C11orf65: variants seen among roughly 807,000 people sequenced by gnomAD.
C11orf65 encodes the protein chromosome 11 open reading frame 65.
C11orf65 carries 38 observed loss-of-function variants against 35.3 expected under a neutral mutation model. The ratio of observed to expected loss-of-function variants is 1.08; its 90% CI spans 0.83 to 1.41. C11orf65 has a LOEUF of 1.41. Ranked by LOEUF, C11orf65 falls within the 40% of genes most tolerant of loss-of-function variation. C11orf65 has a pLI of 0.00. For missense variants in C11orf65, 370 were observed against 367.1 expected (o/e 1.01, Z -0.06); for synonymous variants, 105 against 114.4 (o/e 0.92, Z 0.53).
chr11:108,410,334 T>C (rs1002930672), intron 3 of C11orf65, among the ~76,000 whole-genome samples: 26 of 152,350 alleles, frequency 1.7e-4, no homozygotes, highest in African/African-American at 5.3e-4. Context: ...ATTGGCCATA[T>C]GGATCTATCA....
At chr11:108,408,435 G>A (rs1310019924) in intron 3 of C11orf65, among the ~76,000 whole-genome samples, 1 of 152,094 alleles carries the variant, frequency 6.6e-6, no homozygotes, top group African/African-American at 2.4e-5. Context: ...AACACTTTGG[G>A]AAGCCGAGGA....
chr11:108,382,823 G>C lies in C11orf65; in HGVS notation c.*198C>G. 1.0e-6 allele frequency: 1 copy of C among 984,082 alleles called. No homozygotes were observed. Among genetic ancestry groups the C allele is most frequent in the Non-Finnish European group, 1.2e-6 (1 of 828,768 alleles). The allele number at this position is 984,082 out of a possible 1,614,324, so 61.0% of individuals were successfully genotyped here. On this transcript the variant is annotated 3_prime_UTR_variant, in exon 9 of 9. Coordinates refer to ENST00000393084, the MANE Select transcript of C11orf65 (RefSeq NM_152587.5). ...ATACTACAGTTTCTCAGAATACTAG[G>C]AATAATTTCTATATTTGCCATGATC...
At chr11:108,424,603 C>A (rs150562648) in intron 3 of C11orf65, among the ~76,000 whole-genome samples, 1 of 152,220 alleles carries the variant, frequency 6.6e-6, no homozygotes, top group East Asian at 1.9e-4. Flanking sequence ...GACAGATCAA[C>A]GAGACAGAAA....
intron 6 of C11orf65, among the ~76,000 whole-genome samples, chr11:108,312,691 G>A (rs1324463283): frequency 1.3e-5 from 2 of 149,914 alleles, no homozygotes; most frequent in African/African-American, 4.9e-5. Context: ...TACTGACTCT[G>A]CCACTTCTTG....
chr11:108,443,164 G>T (rs1360264102), intron 2 of C11orf65, among the ~76,000 whole-genome samples: 1 of 151,480 alleles, frequency 6.6e-6, no homozygotes, highest in African/African-American at 2.4e-5. Context: ...AAAAAAAGCA[G>T]GGGCTACAAT....
intron 2 of C11orf65, among the ~76,000 whole-genome samples, chr11:108,440,537 C>A (rs2093135433): frequency 6.6e-6 from 1 of 152,160 alleles, no homozygotes; most frequent in East Asian, 1.9e-4. Context: ...GGCCTTTTCA[C>A]TTACGTATCT....
chr11:108,386,016 C>A, intron 7 of C11orf65, 41 bp from the exon 8 acceptor site: 1 of 1,507,398 alleles, frequency 6.6e-7, no homozygotes, highest in Non-Finnish European at 9.2e-7. Context: ...TTAATCGATT[C>A]ATTAGTACAT....
rs1001768943 is a variant in C11orf65 at position 108,438,420 on chromosome 11, G to A, written c.82-6582C>T. Among the ~76,000 whole-genome samples the A allele has an allele frequency of 8.6e-5, 13 of 151,688 alleles. No homozygotes were observed. The East Asian group carries it at 1.4e-3, about 16-fold the overall frequency. On this transcript the variant is annotated intron_variant, in intron 2 of 8. Coordinates refer to ENST00000393084, the MANE Select transcript of C11orf65 (RefSeq NM_152587.5). Reference sequence around the variant, plus strand: ...TACAAAAATTAGCTGGGCATGTGGCGCACTCCTGTAGTCCCAGCTACTCGG... The same window carrying A: ...TACAAAAATTAGCTGGGCATGTGGCACACTCCTGTAGTCCCAGCTACTCGG...
At chr11:108,375,377 G>C (rs1043601020) in intron 2 of C11orf65, among the ~76,000 whole-genome samples, 5 of 151,516 alleles carry the variant, frequency 3.3e-5, no homozygotes, top group African/African-American at 1.2e-4. Flanking sequence ...TTCATATCCA[G>C]CCAAACTAAG....
intron 3 of C11orf65, among the ~76,000 whole-genome samples, chr11:108,413,619 G>A (rs544802160): frequency 1.3e-5 from 2 of 152,128 alleles, no homozygotes; most frequent in African/African-American, 2.4e-5. Flanking sequence ...TAGAGGAAGC[G>A]CTTTCAACTT....
intron 2 of C11orf65, among the ~76,000 whole-genome samples, chr11:108,453,640 T>C (rs1054784766): frequency 6.6e-6 from 1 of 152,242 alleles, no homozygotes; most frequent in Admixed American, 6.5e-5. Flanking sequence ...CAAGAAGTAC[T>C]GTAAAATATA....
At chr11:108,450,923 T>C (rs1387173649) in intron 2 of C11orf65, among the ~76,000 whole-genome samples, 1 of 151,908 alleles carries the variant, frequency 6.6e-6, no homozygotes, top group Non-Finnish European at 1.5e-5. Context: ...ATTATCTCAA[T>C]AGATGCAGAA....
chr11:108,456,302 T>C (rs1385563717), intron 2 of C11orf65, among the ~76,000 whole-genome samples: 3 of 152,284 alleles, frequency 2.0e-5, no homozygotes, highest in South Asian at 2.1e-4. Context: ...ATTTGATCAG[T>C]TGGATATCCA....
chr11:108,429,180 T>G (rs991906615), intron 3 of C11orf65, among the ~76,000 whole-genome samples: 1 of 151,694 alleles, frequency 6.6e-6, no homozygotes, highest in South Asian at 2.1e-4. Context: ...AAAAACAAAT[T>G]AAAAAGGCAC....
chr11:108,346,019 T>C (rs1026935019), intron 2 of C11orf65: 10 of 1,295,762 alleles, frequency 7.7e-6, no homozygotes, highest in Non-Finnish European at 1.1e-5. Flanking sequence ...ATGATAGTGA[T>C]GATGTGGTTA....
intron 2 of C11orf65, among the ~76,000 whole-genome samples, chr11:108,342,147 T>G (rs1043495767): frequency 6.6e-6 from 1 of 152,188 alleles, no homozygotes; most frequent in African/African-American, 2.4e-5. Context: ...GTATTTTATG[T>G]GTGGCCCAAG....
intron 3 of C11orf65, chr11:108,333,855 G>A: frequency 6.6e-7 from 1 of 1,524,930 alleles, no homozygotes; most frequent in Non-Finnish European, 9.1e-7. Context: ...TCCTCAGTTT[G>A]TCACTAAAAT....
intron 2 of C11orf65, chr11:108,354,996 A>G (rs2089723259): frequency 2.4e-6 from 2 of 840,878 alleles, no homozygotes; most frequent in East Asian, 5.0e-5. Flanking sequence ...GTGGCTGGGC[A>G]GCAGAAAGGA....
chr11:108,444,147 G>A lies in C11orf65; in HGVS notation c.82-12309C>T, dbSNP rs564014542. Among the ~76,000 whole-genome samples, 623 of 151,502 alleles carry A rather than the reference G, an allele frequency of 4.1e-3. 5 individuals are homozygous for A. Among genetic ancestry groups the A allele is most frequent in the Middle Eastern group, 6.8e-3 (2 of 292 alleles). ...AAATGATAAAGGGGATATCACCACC[G>A]ATCCCACAGAAATACAAACTACCAT... On this transcript the variant is annotated intron_variant, in intron 2 of 8. Coordinates refer to ENST00000393084, the MANE Select transcript of C11orf65 (RefSeq NM_152587.5).
Sources: allele counts gnomAD v4.1 joint callset (sites outside exome capture counted in the v4.1 genomes callset), GRCh38; gene constraint gnomAD v4.1.1; transcripts MANE v1.5; gene names NCBI Gene and HGNC (gene_info 2026-07-23, HGNC 2026-07-21).